Variants in SPAG5 observed in about 807,000 individuals in gnomAD.
SPAG5 encodes sperm-associated antigen 5.
A neutral mutation model predicts 145.4 loss-of-function variants in SPAG5; 99 were observed. The ratio of observed to expected loss-of-function variants is 0.68; its 90% confidence interval spans 0.58 to 0.80. SPAG5 has a LOEUF of 0.80. SPAG5 is among the 30% of genes least tolerant of loss of function. The pLI, the probability that SPAG5 is intolerant of heterozygous loss-of-function variation, is 0.00. For missense variants in SPAG5, 1,192 were observed against 1,416.0 expected (o/e 0.84, Z 2.54); for synonymous variants, 477 against 525.4 (o/e 0.91, Z 1.26).
rs754240235 is a variant in SPAG5, at chr17:28,583,987, C to A, written c.2413-1G>T. ...CAACCTGATTCTCCTGGTCTGCAAA[C>A]TGGGAAGACAAGAGAAGGAGCAAGA... On this transcript the variant is annotated splice_acceptor_variant, in intron 13 of 23. Coordinates refer to ENST00000321765, the MANE Select transcript of SPAG5 (RefSeq NM_006461.4). LOFTEE classifies it high-confidence loss of function. The A allele has an allele frequency of 6.2e-7, 1 of 1,614,110 alleles. No homozygotes were observed. The highest frequency in any genetic ancestry group is 8.5e-7 in the Non-Finnish European group (1 of 1,180,020).
In SPAG5 at chr17:28,577,651, G is replaced by A; in HGVS notation, c.*48C>T. On this transcript the variant is annotated 3_prime_UTR_variant, in exon 24 of 24. Transcript: ENST00000321765. ...AGTTGGTCTTGGTATTGGGGTAAGG[G>A]GGTATTGCAGGTAAAAAGAGGTGAA... is the stretch of plus-strand genomic sequence containing the variant. 7.7e-7 allele frequency: 1 copy of A among 1,298,044 alleles called. No individual in the cohort carries two copies. Among genetic ancestry groups the A allele is most frequent in the Non-Finnish European group, 1.1e-6 (1 of 891,554 alleles). 80.4% of individuals were successfully genotyped at this position (1,298,044 alleles called of 1,614,324 possible).
intron 15 of SPAG5, among the ~76,000 whole-genome samples, chr17:28,583,118 C>T (rs962038001): frequency 6.6e-6 from 1 of 152,204 alleles, no homozygotes; most frequent in African/African-American, 2.4e-5. Flanking sequence ...GCTGGGACTA[C>T]AGGTTCACAA....
Position 28,584,492 on chromosome 17 carries a change from G to C in SPAG5, c.2162-12C>G. ...CTGAGCCCGGAGATCTAGAACAAAA[G>C]TATCCTAATGACACCATGCGGTCAG... On this transcript the variant is annotated splice_polypyrimidine_tract_variant and intron_variant, in intron 11 of 23. Coordinates refer to ENST00000321765, the MANE Select transcript of SPAG5 (RefSeq NM_006461.4). 1.2e-6 allele frequency: 2 copies of C among 1,613,418 alleles called. No individual in the cohort carries two copies. Among genetic ancestry groups the C allele is most frequent in the East Asian group, 2.2e-5 (1 of 44,872 alleles).
chr17:28,589,734 AC>A (rs2070608224), intron 4 of SPAG5, among the ~76,000 whole-genome samples: 1 of 151,938 alleles, frequency 6.6e-6, no homozygotes, highest in Non-Finnish European at 1.5e-5. Flanking sequence ...ACATAGCAAA[AC>A]CCCATCTCTA....
chr17:28,592,009 G>C lies in SPAG5; in HGVS notation c.1235C>G (p.Thr412Ser), dbSNP rs1158590914. 1.2e-6 allele frequency: 2 copies of C among 1,614,048 alleles called. No homozygotes were observed. Among genetic ancestry groups the C allele is most frequent in the Non-Finnish European group, 1.7e-6 (2 of 1,180,026 alleles). Residue 412 changes from threonine (T) to serine (S), a missense_variant, in exon 3 of 24, where the codon ACT becomes AGT. Thr to Ser is a moderately conservative substitution (Grantham distance 58). Transcript: ENST00000321765. ...QTGLVGTKHS[T>S]SETEQLLCGR... ...ACACAGGAGCTGCTCTGTCTCAGAA[G>C]TACTGTGCTTGGTGCCAACCAGGCC...
intron 10 of SPAG5, 122 bp downstream of exon 10, chr17:28,584,980 A>T (rs1212815698): frequency 2.1e-6 from 2 of 934,128 alleles, no homozygotes; most frequent in African/African-American, 1.6e-5. Context: ...CAGCTAAGAG[A>T]CCTTACTGGC....
intron 7 of SPAG5, 73 bp from the exon 8 acceptor site, chr17:28,585,726 C>G: frequency 6.2e-7 from 1 of 1,609,674 alleles, no homozygotes; most frequent in Non-Finnish European, 8.5e-7. Flanking sequence ...AACCATGACA[C>G]CTCAATAGAT....
chr17:28,579,643 A>G, intron 17 of SPAG5, 108 bp downstream of exon 17: 3 of 1,388,706 alleles, frequency 2.2e-6, no homozygotes, highest in Non-Finnish European at 3.0e-6. Context: ...AAATGAGCCC[A>G]AGTAGAATTG....
In SPAG5 at chr17:28,583,952, T is replaced by C. The variant is rs1235778476; in HGVS notation, c.2447A>G (p.Glu816Gly). Reference sequence around the variant, plus strand: ...CAATTGACACTCAACCTGACCCAGCTCCAGGTGAGCAACCTGATTCTCCTG... The same window carrying C: ...CAATTGACACTCAACCTGACCCAGCCCCAGGTGAGCAACCTGATTCTCCTG... ...ADQENQVAHL[E>G]LGQVECQLKT... The change falls in exon 14 of 24, where the codon GAG becomes GGG. Residue 816 changes from glutamate to glycine, a missense_variant. Physicochemically the swap from Glu to Gly is moderately conservative, Grantham distance 98 (BLOSUM62 -2). Around this residue, in one of 5 missense-constraint regions of SPAG5, gnomAD observed 709 missense variants for 840.7 expected, o/e 0.84. Coordinates refer to ENST00000321765, the MANE Select transcript of SPAG5 (RefSeq NM_006461.4). 1.2e-6 allele frequency: 2 copies of C among 1,614,120 alleles called. No individual in the cohort carries two copies.
At chr17:28,577,940 T>C in intron 23 of SPAG5, 70 bp downstream of exon 23, 1 of 1,373,354 alleles carries the variant, frequency 7.3e-7, no homozygotes, top group African/African-American at 1.4e-5. Context: ...AGATCTGTGC[T>C]CATTAGTACC....
intron 4 of SPAG5, 148 bp from the exon 5 acceptor site, chr17:28,586,647 T>G (rs900133105): frequency 7.1e-5 from 44 of 622,602 alleles, no homozygotes; most frequent in Non-Finnish European, 1.0e-4. Flanking sequence ...TTCTCATGCC[T>G]CAGCCTCCCA....
In SPAG5 at chr17:28,592,013, T is replaced by C. The variant is rs1409498218; in HGVS notation, c.1231A>G (p.Ser411Gly). The C allele has an allele frequency of 1.9e-6, 3 of 1,614,196 alleles. No individual in the cohort carries two copies. Among genetic ancestry groups the C allele is most frequent in the Admixed American group, 1.7e-5 (1 of 60,022 alleles). ...AGGAGCTGCTCTGTCTCAGAAGTAC[T>C]GTGCTTGGTGCCAACCAGGCCTGTC... ...SQTGLVGTKH[S>G]TSETEQLLCG... Residue 411 changes from serine to glycine, a missense_variant, in exon 3 of 24, where the codon AGT (serine) becomes GGT (glycine). Physicochemically the swap from Ser to Gly is moderately conservative, Grantham distance 56 (BLOSUM62 0). Transcript: ENST00000321765.
intron 4 of SPAG5, among the ~76,000 whole-genome samples, chr17:28,588,555 G>A (rs1361017825): frequency 6.6e-6 from 1 of 152,156 alleles, no homozygotes; most frequent in Non-Finnish European, 1.5e-5. Context: ...TGCACATTTG[G>A]GGACCATCTC....
At chr17:28,598,808 G>T in intron 1 of SPAG5, 88 bp downstream of exon 1, 1 of 1,555,136 alleles carries the variant, frequency 6.4e-7, no homozygotes, top group South Asian at 1.1e-5. Context: ...CCCCGGGCTC[G>T]ACCCAACTTT....
intron 4 of SPAG5, among the ~76,000 whole-genome samples, chr17:28,588,372 A>C (rs2070599454): frequency 6.6e-6 from 1 of 152,226 alleles, no homozygotes; most frequent in Admixed American, 6.5e-5. Flanking sequence ...AAGAGGATGC[A>C]TGGCAGATTC....
chr17:28,585,321 C>G lies in SPAG5; in HGVS notation c.1951G>C (p.Asp651His), dbSNP rs2070576999. 1 of 1,613,900 alleles carries G rather than the reference C, an allele frequency of 6.2e-7. No homozygotes were observed. The highest frequency in any genetic ancestry group is 8.5e-7 in the Non-Finnish European group (1 of 1,179,750). Residue 651 changes from aspartate (D) to histidine (H), a missense_variant and splice_region_variant, in exon 9 of 24, where the codon GAT (aspartate) becomes CAT (histidine). By Grantham distance (81) the Asp-to-His change is moderately conservative. Around this residue, in one of 5 missense-constraint regions of SPAG5, gnomAD observed 709 missense variants for 840.7 expected, o/e 0.84. Transcript: ENST00000321765. ...TTATGATGGTCCCAAATACTCACAT[C>G]CAGTTGCATGGACCTCCAGTCTTGT... ...LQQDWRSMQL[D>H]YTTWTALLSR...
Position 28,579,240 on chromosome 17 carries a change from T to C in SPAG5, c.3018A>G (p.Gln1006=), listed in dbSNP as rs1282089522. Reference sequence around the variant, plus strand: ...GTTCTTCCTGGGCCTGCAGCCTAGCTTGCAGCTCACAACTGAAGGAAGGAA... The same window carrying C: ...GTTCTTCCTGGGCCTGCAGCCTAGCCTGCAGCTCACAACTGAAGGAAGGAA... The part of the protein sequence containing the change: ...RTLQRKICEL[Q]ARLQAQEEQH... Residue 1006 remains glutamine (Q), a synonymous_variant, in exon 19 of 24, where the codon CAA becomes CAG. Transcript: ENST00000321765. 1 of 1,614,196 alleles carries C rather than the reference T, an allele frequency of 6.2e-7. No individual in the cohort carries two copies. Among genetic ancestry groups the C allele is most frequent in the Admixed American group, 1.7e-5 (1 of 60,026 alleles).
Position 28,592,511 on chromosome 17 carries a change from C to T in SPAG5, c.733G>A (p.Val245Ile), listed in dbSNP as rs759389418. 4 of 1,614,114 alleles carry T rather than the reference C, an allele frequency of 2.5e-6. No homozygotes were observed. The highest frequency in any genetic ancestry group is 1.7e-6 in the Non-Finnish European group (2 of 1,180,034). Residue 245 changes from valine to isoleucine, a missense_variant, in exon 3 of 24, where the codon GTT (valine) becomes ATT (isoleucine). Coordinates refer to ENST00000321765, the MANE Select transcript of SPAG5 (RefSeq NM_006461.4). ...SESNAFLPSS[V>I]LWLSPSTALA... Reference sequence around the variant, plus strand: ...GCAGTTGAAGGGGAAAGCCAGAGAACAGAGGAAGGCAAGAAGGCGTTACTT... The same window carrying T: ...GCAGTTGAAGGGGAAAGCCAGAGAATAGAGGAAGGCAAGAAGGCGTTACTT...
chr17:28,579,087 G>T, intron 19 of SPAG5, 54 bp downstream of exon 19: 2 of 1,421,500 alleles, frequency 1.4e-6, no homozygotes, highest in South Asian at 1.2e-5. Context: ...CTCCCAGTGG[G>T]CCAGTAGAGC....
Sources: gnomAD v4.1 joint callset for allele counts (sites outside exome capture counted in the v4.1 genomes callset) on GRCh38, gnomAD v4.1.1 for gene constraint, gnomAD v4.1.1 regional missense constraint, MANE v1.5 for transcripts, NCBI Gene and HGNC (gene_info 2026-07-23, HGNC 2026-07-21) for gene names.